Variants in ROR2 observed in about 807,000 individuals in gnomAD.
The protein encoded by ROR2 is tyrosine-protein kinase transmembrane receptor ROR2.
A neutral mutation model predicts 74.9 loss-of-function variants in ROR2; 33 were observed. The observed-to-expected ratio is 0.44, with a 90% confidence interval of 0.33 to 0.59. The LOEUF is 0.59. Among genes scored for constraint, ROR2 ranks in the 20% least tolerant of loss-of-function variants. The probability of loss-of-function intolerance (pLI) is 0.02; values close to 1 mark genes in which losing one functional copy is unlikely to be tolerated. For synonymous variants in ROR2, 586 were observed against 558.7 expected, an observed-to-expected ratio of 1.05 and a Z score of -0.69; for missense variants, 1,216 against 1,313.8, an observed-to-expected ratio of 0.93 and a Z score of 1.15.
intron 1 of ROR2, among the ~76,000 whole-genome samples, chr9:91,910,215 C>A (rs1830940448): frequency 6.6e-6 from 1 of 152,118 alleles, no homozygotes; most frequent in Non-Finnish European, 1.5e-5. Flanking sequence ...TGTCAGTGCC[C>A]AGTGCTGGCA....
At chr9:91,742,209 CT>C (rs1825276439) in intron 4 of ROR2, among the ~76,000 whole-genome samples, 2 of 152,136 alleles carry the variant, frequency 1.3e-5, no homozygotes, top group African/African-American at 4.8e-5. Context: ...CCCATCAGAC[CT>C]CGTGAGACTT....
intron 4 of ROR2, among the ~76,000 whole-genome samples, chr9:91,754,025 T>G (rs1049885396): frequency 6.9e-6 from 1 of 144,854 alleles, no homozygotes; most frequent in Non-Finnish European, 1.5e-5. Flanking sequence ...ACTGAGTGCC[T>G]ACAAACTCCC....
At chr9:91,760,191 T>TG (rs1269278720) in intron 2 of ROR2, among the ~76,000 whole-genome samples, 1 of 152,186 alleles carries the variant, frequency 6.6e-6, no homozygotes, top group Non-Finnish European at 1.5e-5. Context: ...GTCCCCTCCA[T>TG]GGAAGGTGTT....
At chr9:91,725,231 C>T (rs1009693734) in intron 8 of ROR2, 124 bp from the exon 9 acceptor site, 30 of 1,561,996 alleles carry the variant, frequency 1.9e-5, no homozygotes, top group African/African-American at 5.4e-5. Flanking sequence ...GCAGAAGACC[C>T]GCTGGTTTTG....
chr9:91,757,195 A>T, intron 3 of ROR2, 77 bp downstream of exon 3: 2 of 1,570,554 alleles, frequency 1.3e-6, no homozygotes, highest in Non-Finnish European at 1.7e-6. Context: ...TCAGTTTCAA[A>T]TAGCAACTGG....
intron 1 of ROR2, among the ~76,000 whole-genome samples, chr9:91,877,610 C>T (rs1185569142): frequency 6.6e-6 from 1 of 152,216 alleles, no homozygotes; most frequent in Non-Finnish European, 1.5e-5. Flanking sequence ...ATTACAATCA[C>T]TCCTAAGAGT....
intron 1 of ROR2, among the ~76,000 whole-genome samples, chr9:91,786,423 T>C (rs1587717771): frequency 6.6e-6 from 1 of 151,774 alleles, no homozygotes; most frequent in African/African-American, 2.4e-5. Flanking sequence ...AGTGGCAGAG[T>C]GATATCTAGG....
chr9:91,868,563 AAAAGCAATC>A, intron 1 of ROR2, among the ~76,000 whole-genome samples: 1 of 152,376 alleles, frequency 6.6e-6, no homozygotes, highest in South Asian at 2.1e-4. Flanking sequence ...AAAAAATCTT[AAAAGCAATC>A]AGAGAAAAAC....
chr9:91,734,560 C>T (rs980700703), intron 5 of ROR2, among the ~76,000 whole-genome samples: 2 of 152,120 alleles, frequency 1.3e-5, no homozygotes, highest in African/African-American at 2.4e-5. Context: ...GTTTGGCCAG[C>T]AGGTGGCAGT....
At chr9:91,783,894 T>TA (rs1826706970) in intron 1 of ROR2, among the ~76,000 whole-genome samples, 1 of 152,144 alleles carries the variant, frequency 6.6e-6, no homozygotes, top group African/African-American at 2.4e-5. Flanking sequence ...CACCCGCTTG[T>TA]AAGTCTGTCC....
chr9:91,777,689 T>TC (rs1178034384), intron 1 of ROR2, among the ~76,000 whole-genome samples: 2 of 151,984 alleles, frequency 1.3e-5, no homozygotes, highest in Non-Finnish European at 2.9e-5. Context: ...TTAGCAGTCA[T>TC]CCCCCCGCCA....
At chr9:91,906,599 T>A (rs1830824064) in intron 1 of ROR2, among the ~76,000 whole-genome samples, 1 of 152,132 alleles carries the variant, frequency 6.6e-6, no homozygotes. Context: ...TTCAAGAAAA[T>A]CCCCTCGGTT....
intron 1 of ROR2, among the ~76,000 whole-genome samples, chr9:91,898,975 A>T (rs1830605454): frequency 1.3e-5 from 2 of 152,170 alleles, no homozygotes. Context: ...CTTCACTCTG[A>T]TACTGTTCTG....
intron 1 of ROR2, among the ~76,000 whole-genome samples, chr9:91,879,896 A>AT (rs933004507): frequency 1.3e-4 from 20 of 151,862 alleles, no homozygotes; most frequent in African/African-American, 3.9e-4. Flanking sequence ...GCTTGCACTC[A>AT]TTTTTTCTGA....
rs750325350 is a variant in ROR2 at position 91,731,112 on chromosome 9, C to T, written c.981G>A (p.Thr327=). 45 of 1,613,940 alleles carry T rather than the reference C, an allele frequency of 2.8e-5. No homozygotes were observed. Among genetic ancestry groups the T allele is most frequent in the South Asian group, 3.3e-5 (3 of 91,078 alleles). The change falls in exon 7 of 9, where the codon ACG becomes ACA. Residue 327 remains threonine (T), a synonymous_variant. Coordinates refer to ENST00000375708, the MANE Select transcript of ROR2 (RefSeq NM_004560.4). ...GGTGGCCTGACTTGGTGGTGCTTGC[C>T]GTTCCTCTGTAATCCATGCCTGAGC... ...YNGSGMDYRG[T]ASTTKSGHQC...
intron 1 of ROR2, among the ~76,000 whole-genome samples, chr9:91,891,029 C>T (rs140486954): frequency 1.3e-5 from 2 of 152,264 alleles, no homozygotes; most frequent in Non-Finnish European, 2.9e-5. Context: ...AAATTCTATG[C>T]AGGACTTTTC....
chr9:91,906,407 G>A (rs372208982), intron 1 of ROR2, among the ~76,000 whole-genome samples: 4 of 152,176 alleles, frequency 2.6e-5, no homozygotes, highest in East Asian at 3.9e-4. Context: ...TGGCTCTGCC[G>A]TCTCAGCTCC....
intron 1 of ROR2, among the ~76,000 whole-genome samples, chr9:91,793,783 A>G (rs974766642): frequency 6.6e-6 from 1 of 152,080 alleles, no homozygotes; most frequent in Non-Finnish European, 1.5e-5. Context: ...AAAAGACACA[A>G]AGAGTTTACA....
chr9:91,853,892 A>C (rs1829192778), intron 1 of ROR2, among the ~76,000 whole-genome samples: 1 of 152,222 alleles, frequency 6.6e-6, no homozygotes, highest in African/African-American at 2.4e-5. Flanking sequence ...GTGAGGGTGC[A>C]TGAGACGCTG....
Sources: gnomAD v4.1 joint callset for allele counts (sites outside exome capture counted in the v4.1 genomes callset) on GRCh38, gnomAD v4.1.1 for gene constraint, MANE v1.5 for transcripts, NCBI Gene and HGNC (gene_info 2026-07-23, HGNC 2026-07-21) for gene names.